ST8SIA1: variants seen among roughly 807,000 people sequenced by gnomAD.
The protein encoded by ST8SIA1 is alpha-N-acetylneuraminide alpha-2,8-sialyltransferase.
A neutral mutation model predicts 35.9 loss-of-function variants in ST8SIA1; 16 were observed. The observed-to-expected ratio is 0.45, with a 90% CI of 0.30 to 0.68. The LOEUF (loss-of-function observed/expected upper bound fraction) is 0.68, where lower values mean the gene tolerates loss of function less well. ST8SIA1 is among the 30% of genes least tolerant of loss of function. ST8SIA1 has a pLI of 0.09. For missense variants in ST8SIA1, 383 were observed against 453.6 expected (o/e 0.84, Z 1.41); for synonymous variants, 170 against 169.6 (o/e 1.00, Z -0.02).
At chr12:22,292,310 T>C (rs1591846617) in intron 1 of ST8SIA1, among the ~76,000 whole-genome samples, 1 of 152,204 alleles carries the variant, frequency 6.6e-6, no homozygotes, top group East Asian at 1.9e-4. Flanking sequence ...TATTCTTCTC[T>C]CTAGCACTTA....
chr12:22,310,111 T>G (rs2135831921), intron 1 of ST8SIA1, among the ~76,000 whole-genome samples: 1 of 152,292 alleles, frequency 6.6e-6, no homozygotes, highest in South Asian at 2.1e-4. Flanking sequence ...TCTCTGGTCT[T>G]CAGTTTTCTC....
At chr12:22,288,868 T>C (rs1866139371) in intron 1 of ST8SIA1, among the ~76,000 whole-genome samples, 2 of 152,158 alleles carry the variant, frequency 1.3e-5, no homozygotes, top group Non-Finnish European at 2.9e-5. Context: ...CTTCCAGAGA[T>C]GGTAAAGGTT....
At chr12:22,319,797 G>T (rs575562126) in intron 1 of ST8SIA1, among the ~76,000 whole-genome samples, 6 of 152,336 alleles carry the variant, frequency 3.9e-5, no homozygotes, top group African/African-American at 1.4e-4. Flanking sequence ...AGCCAGAGGG[G>T]CATCATTCAT....
intron 4 of ST8SIA1, among the ~76,000 whole-genome samples, chr12:22,204,707 C>G (rs1190784151): frequency 6.6e-6 from 1 of 152,202 alleles, no homozygotes; most frequent in South Asian, 2.1e-4. Context: ...AAGGAACACA[C>G]AGCTTGAATT....
At chr12:22,266,848 T>TACACACACACACACAC (rs145606826) in intron 2 of ST8SIA1, among the ~76,000 whole-genome samples, 17 of 145,054 alleles carry the variant, frequency 1.2e-4, no homozygotes, top group African/African-American at 2.6e-4. Context: ...CACAAAAGTA[T>TACACACACACACACAC]ACACACACAC....
chr12:22,249,445 C>T (rs941790148), intron 3 of ST8SIA1, among the ~76,000 whole-genome samples: 2 of 152,124 alleles, frequency 1.3e-5, no homozygotes, highest in Admixed American at 6.5e-5. Context: ...CGGTCTCGAT[C>T]TCCTGACCTT....
chr12:22,252,474 A>C lies in ST8SIA1; in HGVS notation c.491+2806T>G, dbSNP rs183695113. Among the ~76,000 whole-genome samples the C allele has an allele frequency of 1.4e-4, 21 of 152,336 alleles. No homozygotes were observed. The East Asian group carries it at 4.1e-3, about 29-fold the overall frequency. ...ATTTATCAACTTTTATTACTCCTAT[A>C]ATTTAAAACATACATAAGGCTTTTA... On this transcript the variant is annotated intron_variant, in intron 3 of 4. Coordinates refer to ENST00000396037, the MANE Select transcript of ST8SIA1 (RefSeq NM_003034.4).
intron 2 of ST8SIA1, among the ~76,000 whole-genome samples, chr12:22,260,186 G>T (rs1240501866): frequency 3.6e-4 from 54 of 150,504 alleles, no homozygotes; most frequent in Non-Finnish European, 5.5e-4. Flanking sequence ...TTTAGAAAGG[G>T]TCTAGTTCTG....
intron 1 of ST8SIA1, among the ~76,000 whole-genome samples, chr12:22,287,911 C>T (rs1359047585): frequency 6.6e-6 from 1 of 152,202 alleles, no homozygotes; most frequent in African/African-American, 2.4e-5. Flanking sequence ...TGCTAAACCT[C>T]ATGGGCCTTT....
At chr12:22,298,114 G>A (rs528582072) in intron 1 of ST8SIA1, among the ~76,000 whole-genome samples, 62 of 152,294 alleles carry the variant, frequency 4.1e-4, no homozygotes, top group African/African-American at 1.3e-3. Context: ...TGTGCCTCAT[G>A]AGGGCATGGA....
At position 22,193,991 on chromosome 12, in the gene ST8SIA1, C is replaced by G. The variant is rs555758861; in HGVS notation, c.*7561G>C. The stretch of plus-strand genomic sequence containing the variant: ...AGAATTAAAGAGACCAAAAAGACAC[C>G]TTTTTCCCCAGTGCTTTTTAGACTG... On this transcript the variant is annotated 3_prime_UTR_variant, in exon 5 of 5. Transcript: ENST00000396037. The G allele has an allele frequency of 6.6e-6, 1 of 152,198 alleles. No individual in the cohort carries two copies. Among genetic ancestry groups the G allele is most frequent in the South Asian group, 2.1e-4 (1 of 4,820 alleles). The allele number at this position is 152,198 out of a possible 1,614,324, so 9.4% of individuals were successfully genotyped here. A position where few individuals can be genotyped will look rare whatever the true frequency, so the allele number is the denominator to read the frequency against.
intron 4 of ST8SIA1, among the ~76,000 whole-genome samples, chr12:22,207,242 T>C (rs923110873): frequency 6.6e-6 from 1 of 152,208 alleles, no homozygotes; most frequent in Admixed American, 6.5e-5. Context: ...AGGCTATCAA[T>C]TCCTGTAATA....
intron 1 of ST8SIA1, among the ~76,000 whole-genome samples, chr12:22,305,486 T>G (rs754010754): frequency 1.3e-5 from 2 of 151,894 alleles, no homozygotes; most frequent in Non-Finnish European, 2.9e-5. Context: ...CTTCAAGCTA[T>G]TCTCCTGCCT....
chr12:22,295,966 A>G (rs1042524813), intron 1 of ST8SIA1, among the ~76,000 whole-genome samples: 1 of 152,170 alleles, frequency 6.6e-6, no homozygotes. Context: ...CTTCAGGAAG[A>G]AAAAGGGAAG....
intron 2 of ST8SIA1, among the ~76,000 whole-genome samples, chr12:22,263,202 T>C (rs1207304076): frequency 2.0e-5 from 3 of 152,238 alleles, no homozygotes; most frequent in Non-Finnish European, 2.9e-5. Flanking sequence ...CGAACAGATA[T>C]TCGAAATGTT....
intron 2 of ST8SIA1, among the ~76,000 whole-genome samples, chr12:22,283,388 T>C (rs11614265): frequency 0.24 from 36,999 of 151,870 alleles, 4,658 homozygotes; most frequent in African/African-American, 0.33. Flanking sequence ...ATATCTTAGG[T>C]CAAAATAGGG....
chr12:22,321,040 G>GAAA (rs1565596115), intron 1 of ST8SIA1, among the ~76,000 whole-genome samples: 184 of 73,984 alleles, frequency 2.5e-3, no homozygotes, highest in East Asian at 0.012. Context: ...GAAAGAGAAA[G>GAAA]AGAAAGAAAA....
chr12:22,208,820 C>G (rs1033024687), intron 4 of ST8SIA1, among the ~76,000 whole-genome samples: 3 of 152,008 alleles, frequency 2.0e-5, no homozygotes, highest in Admixed American at 6.6e-5. Flanking sequence ...AAAAATGTAC[C>G]TAAGCATTTT....
intron 2 of ST8SIA1, chr12:22,286,424 C>T (rs1197610857): frequency 2.7e-5 from 14 of 518,356 alleles, no homozygotes; most frequent in South Asian, 2.0e-4. Flanking sequence ...CTGAGCAAAC[C>T]AAGGGTGGCT....
Sources: allele counts gnomAD v4.1 joint callset (sites outside exome capture counted in the v4.1 genomes callset), GRCh38; gene constraint gnomAD v4.1.1; transcripts MANE v1.5; gene names NCBI Gene and HGNC (gene_info 2026-07-23, HGNC 2026-07-21).